Variants in TSHR observed in about 807,000 individuals in gnomAD.
TSHR encodes thyrotropin receptor.
TSHR carries 51 observed loss-of-function variants against 64.1 expected under a neutral mutation model. The ratio of observed to expected loss-of-function variants is 0.80; its 90% CI spans 0.64 to 1.01. The LOEUF is 1.01. Ranked by LOEUF, TSHR falls within the 50% of genes least tolerant of loss-of-function variation. TSHR has a pLI of 0.00. For missense variants in TSHR, 877 were observed against 942.8 expected, an observed-to-expected ratio of 0.93 and a Z score of 0.91; for synonymous variants, 361 against 361.9, an observed-to-expected ratio of 1.00 and a Z score of 0.03.
intron 1 of TSHR, among the ~76,000 whole-genome samples, chr14:81,056,163 C>A (rs1885783851): frequency 6.6e-6 from 1 of 152,176 alleles, no homozygotes; most frequent in African/African-American, 2.4e-5. Context: ...TCTCTCATTA[C>A]CTGCTGCCAT....
intron 1 of TSHR, among the ~76,000 whole-genome samples, chr14:80,978,901 G>A (rs1035145): frequency 0.15 from 23,363 of 152,072 alleles, 2,111 homozygotes; most frequent in East Asian, 0.43. Flanking sequence ...CTCCAGCCTC[G>A]CCTACTCCCA....
At chr14:81,003,503 G>A (rs745747439) in intron 1 of TSHR, 7 of 222,248 alleles carry the variant, frequency 3.1e-5, no homozygotes, top group East Asian at 2.2e-4. Flanking sequence ...GACATCTTTC[G>A]GATACTTGGT....
intron 1 of TSHR, chr14:81,012,208 G>A (rs1192722272): frequency 1.3e-5 from 2 of 150,560 alleles, no homozygotes; most frequent in African/African-American, 4.9e-5. Context: ...TTTTGTTCTT[G>A]CGATAGTTTA....
intron 7 of TSHR, among the ~76,000 whole-genome samples, chr14:81,105,516 A>C (rs1293029313): frequency 6.6e-6 from 1 of 152,176 alleles, no homozygotes; most frequent in South Asian, 2.1e-4. Flanking sequence ...GTGTCAGTTC[A>C]TCTCCGTTCA....
At chr14:81,038,147 A>G (rs1053917832) in intron 1 of TSHR, among the ~76,000 whole-genome samples, 2 of 152,096 alleles carry the variant, frequency 1.3e-5, no homozygotes, top group African/African-American at 2.4e-5. Context: ...TCTGATCACA[A>G]TGGAATAAAA....
At position 81,108,421 on chromosome 14, in the gene TSHR, T is replaced by C; in HGVS notation, c.661T>C (p.Phe221Leu). 1 of 1,613,744 alleles carries C rather than the reference T, an allele frequency of 6.2e-7. No homozygotes were observed. The highest frequency in any genetic ancestry group is 1.1e-5 in the South Asian group (1 of 91,040). The change falls in exon 8 of 10, where the codon TTT becomes CTT. Residue 221 changes from phenylalanine (F) to leucine (L), a missense_variant. Coordinates refer to ENST00000298171, the MANE Select transcript of TSHR (RefSeq NM_000369.5). ...KYLTVIDKDA[F>L]GGVYSGPSLL... ...CCTGACAGTTATTGACAAAGATGCA[T>C]TTGGAGGAGTATACAGTGGACCAAG...
chr14:81,022,415 G>A (rs1344548211), intron 1 of TSHR, among the ~76,000 whole-genome samples: 2 of 152,316 alleles, frequency 1.3e-5, no homozygotes, highest in East Asian at 1.9e-4. Context: ...GGGTGTCTTC[G>A]ATGAGATTAA....
rs1304759190 is a variant in TSHR at position 81,088,016 on chromosome 14, T to A, written c.380T>A (p.Leu127His). 1 of 1,613,096 alleles carries A rather than the reference T, an allele frequency of 6.2e-7. No homozygotes were observed. The highest frequency in any genetic ancestry group is 1.7e-5 in the Admixed American group (1 of 60,012). ...CCTGATGCCCTCAAAGAGCTCCCCC[T>A]CCTAAAGTTCCTGTAAGTATTAAAT... is the stretch of plus-strand genomic sequence containing the variant. ...IDPDALKELP[L>H]LKFLGIFNTG... Residue 127 changes from leucine to histidine, a missense_variant, in exon 4 of 10, where the codon CTC becomes CAC. By Grantham distance (99) the Leu-to-His change is moderately conservative (BLOSUM62 -3). Coordinates refer to ENST00000298171, the MANE Select transcript of TSHR (RefSeq NM_000369.5).
At chr14:81,041,612 C>A (rs1884927552) in intron 1 of TSHR, among the ~76,000 whole-genome samples, 1 of 152,064 alleles carries the variant, frequency 6.6e-6, no homozygotes, top group African/African-American at 2.4e-5. Flanking sequence ...GTACAACAAA[C>A]CCCCAGGACA....
At chr14:81,107,318 T>C (rs757691091) in intron 7 of TSHR, among the ~76,000 whole-genome samples, 3 of 152,168 alleles carry the variant, frequency 2.0e-5, no homozygotes, top group Non-Finnish European at 4.4e-5. Flanking sequence ...CTTCTGAGGG[T>C]CTCTGCTATA....
At chr14:80,967,198 A>G (rs1446632053) in intron 1 of TSHR, among the ~76,000 whole-genome samples, 1 of 149,900 alleles carries the variant, frequency 6.7e-6, no homozygotes, top group East Asian at 1.9e-4. Flanking sequence ...ATATATATAT[A>G]TATATATATG....
intron 1 of TSHR, among the ~76,000 whole-genome samples, chr14:81,031,610 G>A (rs966448586): frequency 2.6e-5 from 4 of 152,058 alleles, no homozygotes; most frequent in South Asian, 2.1e-4. Context: ...GTGATCCTTC[G>A]TGTGCAAACT....
At chr14:81,093,827 C>T (rs988011578) in intron 6 of TSHR, 1 of 152,248 alleles carries the variant, frequency 6.6e-6, no homozygotes, top group Non-Finnish European at 1.5e-5. Flanking sequence ...CAGCTCCAAA[C>T]TTCAAAGCCA....
chr14:80,975,800 C>T (rs1362278065), intron 1 of TSHR, among the ~76,000 whole-genome samples: 1 of 152,186 alleles, frequency 6.6e-6, no homozygotes, highest in African/African-American at 2.4e-5. Flanking sequence ...TTGCCTGGTG[C>T]CTTACTTCAG....
At position 81,122,333 on chromosome 14, in the gene TSHR, G is replaced by A. The variant is rs149254985; in HGVS notation, c.692+13881G>A. Among the ~76,000 whole-genome samples, 700 of 151,758 alleles carry A rather than the reference G, an allele frequency of 4.6e-3. 9 individuals are homozygous for A. Among genetic ancestry groups the A allele is most frequent in the South Asian group, 0.026 (124 of 4,792 alleles). ...TCTGGGATTATAGGTGTGAGCCACC[G>A]CTCCTGGCCTTGAGAGGTGTTTTAA... On this transcript the variant is annotated intron_variant, in intron 8 of 9. Coordinates refer to ENST00000298171, the MANE Select transcript of TSHR (RefSeq NM_000369.5).
At chr14:81,033,055 A>C in intron 1 of TSHR, 1 of 360,992 alleles carries the variant, frequency 2.8e-6, no homozygotes, top group South Asian at 3.0e-5. Flanking sequence ...GAGTGAAGAC[A>C]TCACCCAAAT....
At chr14:81,132,904 T>C (rs1018029114) in intron 8 of TSHR, among the ~76,000 whole-genome samples, 1 of 151,750 alleles carries the variant, frequency 6.6e-6, no homozygotes, top group African/African-American at 2.4e-5. Flanking sequence ...GGAAAGAAGG[T>C]ACACACTATT....
intron 2 of TSHR, among the ~76,000 whole-genome samples, chr14:81,063,531 A>C (rs897612626): frequency 6.6e-6 from 1 of 152,170 alleles, no homozygotes; most frequent in Non-Finnish European, 1.5e-5. Context: ...GTAGCATCCT[A>C]TAAGCTAAAA....
At chr14:81,136,561 C>T (rs980552281) in intron 8 of TSHR, among the ~76,000 whole-genome samples, 4 of 152,180 alleles carry the variant, frequency 2.6e-5, no homozygotes, top group African/African-American at 9.6e-5. Context: ...GTTGGAGACG[C>T]CTGTGAGGCA....
Sources: gnomAD v4.1 joint callset for allele counts (sites outside exome capture counted in the v4.1 genomes callset) on GRCh38, gnomAD v4.1.1 for gene constraint, MANE v1.5 for transcripts, NCBI Gene and HGNC (gene_info 2026-07-23, HGNC 2026-07-21) for gene names.